Variants in IGFLR1 observed in about 807,000 individuals in gnomAD.
IGFLR1 encodes the protein IGF-like family receptor 1.
In IGFLR1, 17 loss-of-function variants were observed where a neutral mutation model predicts 23.4. The observed-to-expected ratio is 0.73, with a 90% confidence interval of 0.50 to 1.09. The LOEUF (loss-of-function observed/expected upper bound fraction) is 1.09. Ranked by LOEUF, IGFLR1 falls within the 50% of genes least tolerant of loss-of-function variation. IGFLR1 has a pLI of 0.00. For synonymous variants in IGFLR1, 265 were observed against 210.7 expected (o/e 1.26, Z -2.23); for missense variants, 556 against 459.2 (o/e 1.21, Z -1.93).
intron 1 of IGFLR1, 107 bp from the exon 2 acceptor site, chr19:35,741,330 C>T: frequency 8.8e-7 from 1 of 1,142,502 alleles, no homozygotes; most frequent in South Asian, 1.4e-5. Context: ...GCCCTCATCC[C>T]CCAACTGAGC....
Position 35,741,183 on chromosome 19 carries a change from G to T in IGFLR1, c.-3C>A, listed in dbSNP as rs1422829152. 4 of 1,610,004 alleles carry T rather than the reference G, an allele frequency of 2.5e-6. No homozygotes were observed. The highest frequency in any genetic ancestry group is 2.2e-5 in the East Asian group (1 of 44,760). The stretch of plus-strand genomic sequence containing the variant: ...AGGAGGCATCGTCCAGGCCCCATCT[G>T]GGGGGCCGTGATAGCGGGACTTCCA... On this transcript the variant is annotated 5_prime_UTR_variant, in exon 2 of 5. Transcript: ENST00000246532.
chr19:35,742,329 C>A, intron 1 of IGFLR1, 67 bp downstream of exon 1: 1 of 1,310,298 alleles, frequency 7.6e-7, no homozygotes, highest in Non-Finnish European at 1.0e-6. Flanking sequence ...GGTCTCTCCC[C>A]CTTGAATAAG....
chr19:35,742,070 T>C (rs902904267), intron 1 of IGFLR1, among the ~76,000 whole-genome samples: 1 of 152,054 alleles, frequency 6.6e-6, no homozygotes, highest in African/African-American at 2.4e-5. Flanking sequence ...GATCGTGCCA[T>C]TGCACTCCAG....
chr19:35,739,846 G>A lies in IGFLR1; in HGVS notation c.585C>T (p.Asp195=), dbSNP rs150645961. 361 of 1,612,506 alleles carry A rather than the reference G, an allele frequency of 2.2e-4. No individual in the cohort carries two copies. Among genetic ancestry groups the A allele is most frequent in the Non-Finnish European group, 2.4e-4 (287 of 1,178,778 alleles). Residue 195 remains aspartate (D), a synonymous_variant, in exon 4 of 5, where the codon GAC becomes GAT. Coordinates refer to ENST00000246532, the MANE Select transcript of IGFLR1 (RefSeq NM_024660.4). ...AGACCAAGCCAGGATAGGGATAGGG[G>A]TCGGCTTTCTCCTTGGGCCAGCAGA... ...WHLCWPKEKA[D]PYPYPGLVCG...
intron 3 of IGFLR1, 32 bp from the exon 4 acceptor site, chr19:35,740,120 GC>G: frequency 6.3e-7 from 1 of 1,580,812 alleles, no homozygotes. Context: ...AAAGCTGGAG[GC>G]CACACTCCAC....
In IGFLR1 at chr19:35,741,091, T is replaced by C; in HGVS notation, c.90A>G (p.Glu30=). The part of the protein sequence containing the change: ...PEASQYCGRL[E]YWNPDNKCCS... ...AGCACTTGTTGTCTGGGTTCCAGTATTCAAGGCGGCCGCAGTACTGGGAGG... is the reference window on the plus strand; with the variant it reads ...AGCACTTGTTGTCTGGGTTCCAGTACTCAAGGCGGCCGCAGTACTGGGAGG... The change falls in exon 2 of 5, where the codon GAA becomes GAG. Residue 30 remains glutamate (E), a synonymous_variant. Coordinates refer to ENST00000246532, the MANE Select transcript of IGFLR1 (RefSeq NM_024660.4). 1 of 1,606,164 alleles carries C rather than the reference T, an allele frequency of 6.2e-7. No individual in the cohort carries two copies. Among genetic ancestry groups the C allele is most frequent in the Non-Finnish European group, 8.5e-7 (1 of 1,175,070 alleles).
rs1970198887 is a variant in IGFLR1, at chr19:35,741,013, C to A, written c.157+11G>T. 5 of 1,611,184 alleles carry A rather than the reference C, an allele frequency of 3.1e-6. No homozygotes were observed. In the East Asian group the frequency reaches 1.1e-4, roughly 36 times the overall value. ...GCTCCGCCCAAGCAAGGCTCGGTCT[C>A]GGATTCTCACCCGGGCAGGGGGGCG... On this transcript the variant is annotated intron_variant, in intron 2 of 4. Coordinates refer to ENST00000246532, the MANE Select transcript of IGFLR1 (RefSeq NM_024660.4).
At chr19:35,740,600 GC>G (rs1568391256) in intron 2 of IGFLR1, 36 bp from the exon 3 acceptor site, 1 of 1,559,906 alleles carries the variant, frequency 6.4e-7, no homozygotes, top group East Asian at 2.3e-5. Context: ...CGGCCGCCTA[GC>G]CCGCCCCTGC....
At position 35,739,483 on chromosome 19, in the gene IGFLR1, A is replaced by G; in HGVS notation, c.865T>C (p.Tyr289His). ...HGTTRHLAAR[Y>H]GLPAAWSTFA... The stretch of plus-strand genomic sequence containing the variant: ...GTGGACCAGGCAGCAGGCAGCCCAT[A>G]TCTTGCGGCCAGGTGTCGAGTAGTG... Residue 289 changes from tyrosine to histidine, a missense_variant, in exon 5 of 5, where the codon TAT becomes CAT. Tyr to His is a moderately conservative substitution (Grantham distance 83, BLOSUM62 2). Coordinates refer to ENST00000246532, the MANE Select transcript of IGFLR1 (RefSeq NM_024660.4). 6.2e-6 allele frequency: 10 copies of G among 1,613,996 alleles called. No individual in the cohort carries two copies. Among genetic ancestry groups the G allele is most frequent in the Non-Finnish European group, 8.5e-6 (10 of 1,179,990 alleles).
At chr19:35,740,810 C>T (rs959369065) in intron 2 of IGFLR1, 3 of 641,584 alleles carry the variant, frequency 4.7e-6, no homozygotes, top group Non-Finnish European at 7.9e-6. Flanking sequence ...CGGCCCCTAT[C>T]CCGCCTCTCC....
Position 35,740,411 on chromosome 19 carries a change from CCCGCGGCG to C in IGFLR1, c.303_310del (p.Ala102ArgfsTer30). ...GCAGCGCCACGGGGTTCTGCCCCCGCCCGCGGCGGGAGTAGGGGTCACGGCTCCGCCGC... is the reference window on the plus strand; with the variant it reads ...GCAGCGCCACGGGGTTCTGCCCCCGCGGAGTAGGGGTCACGGCTCCGCCGC... On this transcript the variant is annotated frameshift_variant, in exon 3 of 5. Transcript: ENST00000246532. LOFTEE classifies it high-confidence loss of function. The C allele has an allele frequency of 6.2e-7, 1 of 1,606,552 alleles. No individual in the cohort carries two copies. Among genetic ancestry groups the C allele is most frequent in the South Asian group, 1.1e-5 (1 of 90,588 alleles).
rs2242524 is a variant in IGFLR1 at position 35,741,235 on chromosome 19, G to A, written c.-43-12C>T. 5,841 of 1,593,292 alleles carry A rather than the reference G, an allele frequency of 3.7e-3. 316 individuals are homozygous for A. In the East Asian group the frequency reaches 0.12, roughly 32 times the overall value. On this transcript the variant is annotated splice_polypyrimidine_tract_variant and intron_variant, in intron 1 of 4. Transcript: ENST00000246532. ...ACACAGCGCCTCTGCTACACTTTCC[G>A]GGGAAATCGGGCAGAAGAAAGGACG...
rs963875202 is a variant in IGFLR1, at chr19:35,739,152, G to A, written c.*128C>T. On this transcript the variant is annotated 3_prime_UTR_variant, in exon 5 of 5. Transcript: ENST00000246532. ...TGGCCCTGTGTGTATGTTGGAATAG[G>A]CCCTTCTAGGGCGAAGAGCAGTGAG... The A allele has an allele frequency of 1.1e-6, 1 of 930,476 alleles. No homozygotes were observed. The highest frequency in any genetic ancestry group is 1.6e-6 in the Non-Finnish European group (1 of 629,938). The allele number at this position is 930,476 out of a possible 1,614,324, so 57.6% of individuals were successfully genotyped here.
At chr19:35,740,794 TC>T (rs78795555) in intron 2 of IGFLR1, 63,406 of 633,910 alleles carry the variant, frequency 0.1, 3,553 homozygotes, top group South Asian at 0.11. Flanking sequence ...GCCCACCCTT[TC>T]CACGCGGCCC....
rs754349821 is a variant in IGFLR1 at position 35,740,438 on chromosome 19, C to T, written c.284G>A (p.Gly95Glu). The change falls in exon 3 of 5, where the codon GGA becomes GAA. Residue 95 changes from glycine (G) to glutamate (E), a missense_variant. By Grantham distance (98) the Gly-to-Glu change is moderately conservative. Coordinates refer to ENST00000246532, the MANE Select transcript of IGFLR1 (RefSeq NM_024660.4). ...CGCGGCGGGAGTAGGGGTCACGGCT[C>T]CGCCGCCGCAGGGGCTACATAGCTC... ...GAELCSPCGG[G>E]AVTPTPAAGG... 4 of 1,611,658 alleles carry T rather than the reference C, an allele frequency of 2.5e-6. No individual in the cohort carries two copies. Among genetic ancestry groups the T allele is most frequent in the Non-Finnish European group, 3.4e-6 (4 of 1,179,206 alleles).
rs547712600 is a variant in IGFLR1 at position 35,740,445 on chromosome 19, C to T, written c.277G>A (p.Gly93Ser). 3 of 1,611,994 alleles carry T rather than the reference C, an allele frequency of 1.9e-6. No homozygotes were observed. Among genetic ancestry groups the T allele is most frequent in the East Asian group, 2.2e-5 (1 of 44,824 alleles). The part of the protein sequence containing the change: ...PDGAELCSPC[G>S]GGAVTPTPAA... ...GGAGTAGGGGTCACGGCTCCGCCGC[C>T]GCAGGGGCTACATAGCTCCGCGCCG... Residue 93 changes from glycine to serine, a missense_variant, in exon 3 of 5, where the codon GGC (glycine) becomes AGC (serine). By Grantham distance (56) the Gly-to-Ser change is moderately conservative. Transcript: ENST00000246532.
At chr19:35,739,657 A>C in intron 4 of IGFLR1, 31 bp from the exon 5 acceptor site, 1 of 1,583,226 alleles carries the variant, frequency 6.3e-7, no homozygotes, top group Non-Finnish European at 8.6e-7. Flanking sequence ...AAAGGTGCGG[A>C]AGAGCGGGCG....
rs765787985 is a variant in IGFLR1, at chr19:35,740,363, G to A, written c.342+17C>T. On this transcript the variant is annotated intron_variant, in intron 3 of 4. Coordinates refer to ENST00000246532, the MANE Select transcript of IGFLR1 (RefSeq NM_024660.4). Reference sequence around the variant, plus strand: ...ACCTCCAGCACGCCCTTGCCCTGCCGGGAGTCCCATCTGCACCTCTCTGCA... The same window carrying A: ...ACCTCCAGCACGCCCTTGCCCTGCCAGGAGTCCCATCTGCACCTCTCTGCA... The A allele has an allele frequency of 1.5e-5, 24 of 1,556,600 alleles. No individual in the cohort carries two copies. Among genetic ancestry groups the A allele is most frequent in the East Asian group, 2.3e-5 (1 of 44,114 alleles).
At position 35,738,885 on chromosome 19, in the gene IGFLR1, G is replaced by T; in HGVS notation, c.*395C>A. 1 of 461,250 alleles carries T rather than the reference G, an allele frequency of 2.2e-6. No individual in the cohort carries two copies. Among genetic ancestry groups the T allele is most frequent in the Non-Finnish European group, 3.9e-6 (1 of 259,358 alleles). The allele number at this position is 461,250 out of a possible 1,614,324, so 28.6% of individuals were successfully genotyped here. The stretch of plus-strand genomic sequence containing the variant: ...AAGTCTGTCAATGTTTGGAGAGGTG[G>T]TCTTCCCATTTGTAGGCTGTGGGGG... On this transcript the variant is annotated 3_prime_UTR_variant, in exon 5 of 5. Coordinates refer to ENST00000246532, the MANE Select transcript of IGFLR1 (RefSeq NM_024660.4). This position sits in a 1 kb window ranked among gnomAD's most constrained non-coding sequence, Gnocchi z 8.7.
Sources: allele counts gnomAD v4.1 joint callset (sites outside exome capture counted in the v4.1 genomes callset), GRCh38; gene constraint gnomAD v4.1.1; non-coding constraint Gnocchi (gnomAD v3.1); transcripts MANE v1.5; gene names NCBI Gene and HGNC (gene_info 2026-07-23, HGNC 2026-07-21).